The following TCF20 variants were observed in gnomAD, a reference collection of about 807,000 sequenced individuals.
TCF20 encodes the protein SPRE-binding protein.
TCF20 carries 3 observed loss-of-function variants against 148.6 expected under a neutral mutation model. That is an observed-to-expected ratio of 0.02 (90% CI 0.01 to 0.05). TCF20 has a LOEUF of 0.05. Ranked by LOEUF, TCF20 falls within the 10% of genes least tolerant of loss-of-function variation. The pLI is 1.00. For synonymous variants in TCF20, 1,049 were observed against 909.5 expected, an observed-to-expected ratio of 1.15 and a Z score of -2.76; for missense variants, 2,350 against 2,429.3, an observed-to-expected ratio of 0.97 and a Z score of 0.69.
chr22:42,272,921 G>C, upstream of TCF20, among the ~76,000 whole-genome samples: 1 of 152,150 alleles, frequency 6.6e-6, no homozygotes, highest in Non-Finnish European at 1.5e-5. Flanking sequence ...CAGCACTTTG[G>C]GAAGCCGAGG....
At chr22:42,295,312 C>T (rs1927212713) in intron 1 of TCF20, among the ~76,000 whole-genome samples, 1 of 152,190 alleles carries the variant, frequency 6.6e-6, no homozygotes, top group Non-Finnish European at 1.5e-5. Context: ...CCTTTCAGCC[C>T]CATTCACTCC....
chr22:42,199,963 G>GT lies in TCF20; in HGVS notation c.5655+9687dup, dbSNP rs1007109323. On this transcript the variant is annotated intron_variant, in intron 2 of 5. Transcript: ENST00000677622. Reference sequence around the variant, plus strand: ...TTGGTATCTTTTTGGGATTCTCTGGGTTTTTTTTTATAAACATGACACAGA... The same window carrying GT: ...TTGGTATCTTTTTGGGATTCTCTGGGTTTTTTTTTTATAAACATGACACAGA... Among the ~76,000 whole-genome samples the GT allele has an allele frequency of 1.4e-3, 85 of 59,130 alleles. 1 individual carries two copies. The highest frequency in any genetic ancestry group is 0.01 in the Admixed American group (71 of 6,944). 38.8% of individuals were successfully genotyped at this position (59,130 alleles called of 152,430 possible). A position where few individuals can be genotyped will look rare whatever the true frequency, so the allele number is the denominator to read the frequency against.
intron 1 of TCF20, among the ~76,000 whole-genome samples, chr22:42,331,341 T>C (rs566779167): frequency 5.8e-4 from 89 of 152,242 alleles, no homozygotes; most frequent in African/African-American, 2.0e-3. Flanking sequence ...AGACCTACTG[T>C]GTGCTCCCTG....
At chr22:42,165,252 T>C (rs111432901) in intron 5 of TCF20, among the ~76,000 whole-genome samples, 1 of 152,332 alleles carries the variant, frequency 6.6e-6, no homozygotes, top group African/African-American at 2.4e-5. Context: ...GATGTCCAGC[T>C]CCAGGGGCAG....
chr22:42,339,135 C>T (rs1225242274), intron 1 of TCF20, among the ~76,000 whole-genome samples: 2 of 152,196 alleles, frequency 1.3e-5, no homozygotes, highest in African/African-American at 2.4e-5. Context: ...AGACACACAG[C>T]GAAGCCACAG....
intron 2 of TCF20, among the ~76,000 whole-genome samples, chr22:42,190,479 C>CA (rs777681501): frequency 2.0e-5 from 3 of 150,620 alleles, no homozygotes; most frequent in Non-Finnish European, 3.0e-5. Context: ...CACACACACA[C>CA]CCTGCACATA....
chr22:42,328,052 C>T (rs1044969320), intron 1 of TCF20, among the ~76,000 whole-genome samples: 4 of 152,106 alleles, frequency 2.6e-5, no homozygotes, highest in Non-Finnish European at 4.4e-5. Flanking sequence ...TCAGCTGCGA[C>T]GTTACTTTCA....
chr22:42,314,460 G>A (rs1368707621), intron 1 of TCF20, among the ~76,000 whole-genome samples: 1 of 152,230 alleles, frequency 6.6e-6, no homozygotes, highest in East Asian at 1.9e-4. Flanking sequence ...CCCAGGCATC[G>A]ATGCCTCCTG....
intron 1 of TCF20, among the ~76,000 whole-genome samples, chr22:42,220,562 T>C (rs1232797592): frequency 1.3e-5 from 2 of 152,132 alleles, no homozygotes; most frequent in Non-Finnish European, 2.9e-5. Context: ...CCTCAAGACA[T>C]TGACAATGAT....
rs1451640761 is a variant in TCF20 at position 42,297,296 on chromosome 22, C to T, written c.-37+46183G>A. On this transcript the variant is annotated intron_variant, in intron 1 of 1. Transcript: ENST00000515426. This position sits in a 1 kb window ranked among gnomAD's most constrained non-coding sequence, Gnocchi z 4.3. ...CAGGTGAGGAGCTACTTCCTGTCCCCTGCCAGGCCTGAGCAGAGGTCAGAC... is the reference window on the plus strand; with the variant it reads ...CAGGTGAGGAGCTACTTCCTGTCCCTTGCCAGGCCTGAGCAGAGGTCAGAC... 6.6e-6 allele frequency among the ~76,000 whole-genome samples: 1 copy of T among 152,244 alleles called. No individual in the cohort carries two copies. The highest frequency in any genetic ancestry group is 1.5e-5 in the Non-Finnish European group (1 of 68,044).
intron 1 of TCF20, among the ~76,000 whole-genome samples, chr22:42,322,380 C>G (rs1601706120): frequency 6.6e-6 from 1 of 151,860 alleles, no homozygotes; most frequent in East Asian, 1.9e-4. Flanking sequence ...TTCCCGGCAG[C>G]CGTCAGAGAG....
In TCF20 at chr22:42,338,593, G is replaced by A. The variant is rs1368366734; in HGVS notation, c.-37+4886C>T. On this transcript the variant is annotated intron_variant, in intron 1 of 1. Transcript: ENST00000515426. The surrounding 1 kb of genome is among the most constrained non-coding windows in gnomAD (Gnocchi z 4.0). ...CGGGGAGGCTGGCGAGAGGCTTAAT[G>A]AAACTGCTAACGCGTTAGTGATTCC... Among the ~76,000 whole-genome samples the A allele has an allele frequency of 2.0e-5, 3 of 152,238 alleles. No homozygotes were observed. The highest frequency in any genetic ancestry group is 4.4e-5 in the Non-Finnish European group (3 of 68,036).
chr22:42,242,779 C>T (rs975950065), intron 1 of TCF20, among the ~76,000 whole-genome samples: 3 of 151,832 alleles, frequency 2.0e-5, no homozygotes, highest in African/African-American at 4.8e-5. Flanking sequence ...CCCAGCTACA[C>T]GGGAGACTGA....
At chr22:42,284,740 C>T (rs1926993125), upstream of TCF20, among the ~76,000 whole-genome samples, 1 of 152,220 alleles carries the variant, frequency 6.6e-6, no homozygotes, top group Non-Finnish European at 1.5e-5. Flanking sequence ...GGTCCTGGCT[C>T]TGTTTCTCTG....
At chr22:42,233,210 T>TCA (rs149368201) in intron 1 of TCF20, among the ~76,000 whole-genome samples, 2,160 of 152,246 alleles carry the variant, frequency 0.014, 18 homozygotes, top group Non-Finnish European at 0.023. Flanking sequence ...GTGTGAGCCA[T>TCA]CACACCCAGC....
intron 1 of TCF20, among the ~76,000 whole-genome samples, chr22:42,262,892 G>A (rs1926102471): frequency 6.6e-6 from 1 of 152,064 alleles, no homozygotes; most frequent in African/African-American, 2.4e-5. Context: ...GCCAATATTT[G>A]AGAACATAAA....
At chr22:42,225,146 C>G in intron 1 of TCF20, among the ~76,000 whole-genome samples, 1 of 151,870 alleles carries the variant, frequency 6.6e-6, no homozygotes, top group African/African-American at 2.4e-5. Context: ...CAGGTGCCTG[C>G]CACCACGTCC....
intron 1 of TCF20, among the ~76,000 whole-genome samples, chr22:42,251,357 T>C (rs955036236): frequency 6.6e-6 from 1 of 151,990 alleles, no homozygotes; most frequent in African/African-American, 2.4e-5. Context: ...ATTTTTGTAT[T>C]TTTTTGTAGA....
intron 5 of TCF20, among the ~76,000 whole-genome samples, chr22:42,162,458 C>T (rs1414168375): frequency 6.6e-6 from 1 of 152,174 alleles, no homozygotes; most frequent in Non-Finnish European, 1.5e-5. Context: ...AGCCCATGTG[C>T]AGAAGGGGAT....
Sources: gnomAD v4.1 joint callset for allele counts (sites outside exome capture counted in the v4.1 genomes callset) on GRCh38, gnomAD v4.1.1 for gene constraint, Gnocchi (gnomAD v3.1) non-coding constraint, MANE v1.5 for transcripts, NCBI Gene and HGNC (gene_info 2026-07-23, HGNC 2026-07-21) for gene names.